The following MED13 variants were observed in gnomAD, a reference collection of about 807,000 sequenced individuals.
MED13 encodes the protein mediator complex subunit 13, also known as mediator of RNA polymerase II transcription subunit 13.
In MED13, 23 loss-of-function variants were observed where a neutral mutation model predicts 225.2. That is an observed-to-expected ratio of 0.10 (90% CI 0.07 to 0.14). The LOEUF (loss-of-function observed/expected upper bound fraction) is 0.14. Ranked by LOEUF, MED13 falls within the 10% of genes least tolerant of loss-of-function variation. The probability of loss-of-function intolerance (pLI) is 1.00; values close to 1 mark genes in which losing one functional copy is unlikely to be tolerated. For missense variants in MED13, 2,197 were observed against 2,594.5 expected, an observed-to-expected ratio of 0.85 and a Z score of 3.33; for synonymous variants, 942 against 889.2, an observed-to-expected ratio of 1.06 and a Z score of -1.06.
chr17:62,018,487 T>C (rs1463541952), intron 8 of MED13, among the ~76,000 whole-genome samples: 1 of 152,142 alleles, frequency 6.6e-6, no homozygotes, highest in Non-Finnish European at 1.5e-5. Context: ...GGTGGATTAC[T>C]TGAGGCCAGG....
At chr17:61,996,411 A>AT (rs1160970524) in intron 9 of MED13, among the ~76,000 whole-genome samples, 2 of 152,156 alleles carry the variant, frequency 1.3e-5, no homozygotes, top group Admixed American at 6.5e-5. Context: ...TGCAATGACT[A>AT]TTTCACTCTG....
intron 3 of MED13, among the ~76,000 whole-genome samples, chr17:62,039,026 G>GATAA (rs2080830111): frequency 6.6e-6 from 1 of 151,862 alleles, no homozygotes; most frequent in Non-Finnish European, 1.5e-5. Context: ...TGATATAAAG[G>GATAA]GATAAATTGG....
At chr17:61,969,535 A>T (rs1041945215) in intron 17 of MED13, among the ~76,000 whole-genome samples, 2 of 152,046 alleles carry the variant, frequency 1.3e-5, no homozygotes, top group East Asian at 1.9e-4. Context: ...AATATAATTT[A>T]AAAAATAGAA....
At chr17:61,957,076 T>C (rs1219972290) in intron 23 of MED13, among the ~76,000 whole-genome samples, 2 of 152,154 alleles carry the variant, frequency 1.3e-5, no homozygotes, top group East Asian at 1.9e-4. Flanking sequence ...TGATGGAGTC[T>C]CACTCTGTCG....
At chr17:62,063,532 T>C (rs2081058295) in intron 1 of MED13, among the ~76,000 whole-genome samples, 1 of 152,290 alleles carries the variant, frequency 6.6e-6, no homozygotes, top group Non-Finnish European at 1.5e-5. Context: ...CAAGCAAATA[T>C]GTACTCCAAG....
intron 6 of MED13, chr17:62,030,844 G>C (rs1279756428): frequency 6.6e-6 from 1 of 152,196 alleles, no homozygotes; most frequent in Non-Finnish European, 1.5e-5. Flanking sequence ...AGGGCGTTTT[G>C]CTGAAAATAA....
Position 62,058,593 on chromosome 17 carries a change from T to A in MED13, c.301+4474A>T, listed in dbSNP as rs116112929. Among the ~76,000 whole-genome samples the A allele has an allele frequency of 3.4e-3, 510 of 149,542 alleles. 1 individual carries two copies. The highest frequency in any genetic ancestry group is 0.012 in the African/African-American group (493 of 40,758). On this transcript the variant is annotated intron_variant, in intron 2 of 29. Coordinates refer to ENST00000397786, the MANE Select transcript of MED13 (RefSeq NM_005121.3). The stretch of plus-strand genomic sequence containing the variant: ...ACCCCAAAGGAGTTTTATTCCCTAA[T>A]CCTTTTTGTATCAAAACATATCGAC...
intron 3 of MED13, among the ~76,000 whole-genome samples, chr17:62,050,878 G>A (rs924000497): frequency 6.6e-6 from 1 of 152,158 alleles, no homozygotes; most frequent in South Asian, 2.1e-4. Flanking sequence ...GGTGGCACAC[G>A]CCTATAATCC....
chr17:61,960,201 C>T (rs1603391747), intron 23 of MED13, among the ~76,000 whole-genome samples: 5 of 152,152 alleles, frequency 3.3e-5, no homozygotes, highest in Non-Finnish European at 1.5e-5. Context: ...TTATATCCTT[C>T]GTAAATAACT....
Position 62,010,888 on chromosome 17 carries a change from C to G in MED13, c.1629G>C (p.Val543=), listed in dbSNP as rs1053717720. 1 of 1,614,092 alleles carries G rather than the reference C, an allele frequency of 6.2e-7. No individual in the cohort carries two copies. The change falls in exon 9 of 30, where the codon GTG becomes GTC. Residue 543 remains valine (V), a synonymous_variant. Transcript: ENST00000397786. ...GTGTTTTAGTCACTCCTTCATCAAC[C>G]ACATCACAAGGGTGAGGACTAAGTG... ...PPPLSPHPCD[V]VDEGVTKTPS... is the part of the protein sequence containing the mutation.
chr17:62,021,944 A>C (rs1364337365), intron 8 of MED13, among the ~76,000 whole-genome samples: 1 of 152,100 alleles, frequency 6.6e-6, no homozygotes, highest in East Asian at 1.9e-4. Context: ...AGGTACGTGG[A>C]TCATTTGAGG....
intron 23 of MED13, among the ~76,000 whole-genome samples, chr17:61,960,522 TAGATGGTACATGAGA>T (rs1172816714): frequency 6.6e-6 from 1 of 152,156 alleles, no homozygotes; most frequent in Non-Finnish European, 1.5e-5. Context: ...GGCTATATCT[TAGATGGTACATGAGA>T]AAAGTTTAAA....
rs1402739101 is a variant in MED13, at chr17:61,944,329, T to C, written c.*2139A>G. 2.0e-5 allele frequency: 3 copies of C among 152,378 alleles called. No individual in the cohort carries two copies. Among genetic ancestry groups the C allele is most frequent in the South Asian group, 2.1e-4 (1 of 4,830 alleles). The allele number at this position is 152,378 out of a possible 1,614,324, so 9.4% of individuals were successfully genotyped here. On this transcript the variant is annotated 3_prime_UTR_variant, in exon 30 of 30. Coordinates refer to ENST00000397786, the MANE Select transcript of MED13 (RefSeq NM_005121.3). ...GTGTATAAAAAGGATACTCTTTTTA[T>C]GGAAATTCCAAATAAGCACATTTTC...
intron 8 of MED13, among the ~76,000 whole-genome samples, chr17:62,018,089 C>T (rs2080600440): frequency 1.3e-5 from 2 of 152,160 alleles, no homozygotes; most frequent in African/African-American, 2.4e-5. Context: ...TAAACAATGA[C>T]TACTACTGCT....
At chr17:61,983,173 G>T in intron 15 of MED13, 59 bp from the exon 16 acceptor site, 1 of 1,327,290 alleles carries the variant, frequency 7.5e-7, no homozygotes, top group Non-Finnish European at 1.0e-6. Flanking sequence ...TATTAGTAAT[G>T]TGAAATACAA....
intron 9 of MED13, among the ~76,000 whole-genome samples, chr17:62,001,212 T>C (rs991439657): frequency 1.3e-5 from 2 of 152,210 alleles, no homozygotes; most frequent in African/African-American, 4.8e-5. Flanking sequence ...TCTTTCTACC[T>C]CATGAACTAA....
intron 16 of MED13, among the ~76,000 whole-genome samples, chr17:61,973,911 A>G (rs891426776): frequency 6.6e-6 from 1 of 152,058 alleles, no homozygotes; most frequent in African/African-American, 2.4e-5. Context: ...TAAACCCAGA[A>G]GGCAGGGGTT....
rs777516702 is a variant in MED13 at position 61,968,211 on chromosome 17, C to A, written c.4015G>T (p.Gly1339Cys). The A allele has an allele frequency of 1.9e-6, 3 of 1,613,902 alleles. No homozygotes were observed. The South Asian group carries it at 3.3e-5, about 18-fold the overall frequency. The change falls in exon 18 of 30, where the codon GGT becomes TGT. Residue 1339 changes from glycine (G) to cysteine (C), a missense_variant. By Grantham distance (159) the Gly-to-Cys change is radical (BLOSUM62 -3). Around this residue, in one of 12 missense-constraint regions of MED13, gnomAD observed 47 missense variants for 93.8 expected, o/e 0.50. Transcript: ENST00000397786. ...AGCACCAGATAATCATAATCATAAC[C>A]CAACAAAAATGTGGGGATTGGCAGT... ...EPLPIPTFLL[G>C]YDYDYLVLSP...
intron 9 of MED13, among the ~76,000 whole-genome samples, chr17:61,996,896 T>A (rs946490026): frequency 6.6e-6 from 1 of 152,202 alleles, no homozygotes; most frequent in Non-Finnish European, 1.5e-5. Context: ...TGGTACATAA[T>A]AGGTGTCAAT....
Sources: gnomAD v4.1 joint callset for allele counts (sites outside exome capture counted in the v4.1 genomes callset) on GRCh38, gnomAD v4.1.1 for gene constraint, gnomAD v4.1.1 regional missense constraint, MANE v1.5 for transcripts, NCBI Gene and HGNC (gene_info 2026-07-23, HGNC 2026-07-21) for gene names.